The following SRGAP2B variants were observed in gnomAD, a reference collection of about 807,000 sequenced individuals.
SRGAP2B encodes SLIT-ROBO Rho GTPase activating protein 2B, also known as SLIT-ROBO Rho GTPase-activating protein 2B.
Under a neutral mutation model 22.2 loss-of-function variants are expected in SRGAP2B, and 9 were observed. The ratio of observed to expected loss-of-function variants is 0.41; its 90% CI spans 0.24 to 0.71. The LOEUF (loss-of-function observed/expected upper bound fraction) is 0.71, where lower values mean the gene tolerates loss of function less well. Ranked by LOEUF, SRGAP2B falls within the 30% of genes least tolerant of loss-of-function variation. The pLI is 0.35. For synonymous variants in SRGAP2B, 36 were observed against 87.4 expected, an observed-to-expected ratio of 0.41 and a Z score of 3.28; for missense variants, 114 against 235.8, an observed-to-expected ratio of 0.48 and a Z score of 3.38.
In SRGAP2B at chr1:145,044,650, T is replaced by TAAAAAA. The variant is rs1184404731; in HGVS notation, c.67+48179_67+48184dup. The stretch of plus-strand genomic sequence containing the variant: ...TATATTTTATATTTGAACCCCCTCC[T>TAAAAAA]AAAAAAAAAAAAAAAAAAAAAAAAA... On this transcript the variant is annotated intron_variant, in intron 2 of 9. Transcript: ENST00000612199. Among the ~76,000 whole-genome samples, 3 of 30,684 alleles carry TAAAAAA rather than the reference T, an allele frequency of 9.8e-5. 1 individual carries two copies. The highest frequency in any genetic ancestry group is 1.7e-4 in the Non-Finnish European group (3 of 17,710). 20.1% of individuals were successfully genotyped at this position (30,684 alleles called of 152,430 possible).
In SRGAP2B at chr1:144,925,791, GA is replaced by G. The variant is rs1184621300; in HGVS notation, c.424-11038del. On this transcript the variant is annotated intron_variant, in intron 4 of 9. Coordinates refer to ENST00000612199, the Ensembl canonical transcript of SRGAP2B. ...AGAAAGAAAGAAAGAAAGAAAGAAAGAAAGGAGAGAGAAAGAAAGAAAGGAA... is the reference window on the plus strand; with the variant it reads ...AGAAAGAAAGAAAGAAAGAAAGAAAGAAGGAGAGAGAAAGAAAGAAAGGAA... Among the ~76,000 whole-genome samples, 15 of 92,186 alleles carry G rather than the reference GA, an allele frequency of 1.6e-4. 1 individual carries two copies. Among genetic ancestry groups the G allele is most frequent in the South Asian group, 1.2e-3 (4 of 3,208 alleles). 60.5% of individuals were successfully genotyped at this position (92,186 alleles called of 152,430 possible). A position where few individuals can be genotyped will look rare whatever the true frequency, so the allele number is the denominator to read the frequency against.
At chr1:144,968,788 A>C (rs1668271331) in intron 3 of SRGAP2B, among the ~76,000 whole-genome samples, 1 of 109,870 alleles carries the variant, frequency 9.1e-6, no homozygotes, top group Non-Finnish European at 1.8e-5. Flanking sequence ...AAGCAACTTC[A>C]GCAAAGTCTC....
At chr1:145,042,346 GTA>G (rs1649352122) in intron 2 of SRGAP2B, among the ~76,000 whole-genome samples, 1 of 145,344 alleles carries the variant, frequency 6.9e-6, no homozygotes, top group Non-Finnish European at 1.5e-5. Flanking sequence ...TTCTTTTGCT[GTA>G]CAAAATAACC....
chr1:145,009,082 C>G (rs1312565150), intron 2 of SRGAP2B, among the ~76,000 whole-genome samples: 1 of 142,072 alleles, frequency 7.0e-6, no homozygotes, highest in Non-Finnish European at 1.5e-5. Flanking sequence ...GAGGCTGAGG[C>G]AGGAGAATGG....
chr1:145,058,214 C>T (rs1300760450), intron 2 of SRGAP2B, among the ~76,000 whole-genome samples: 1,740 of 148,908 alleles, frequency 0.012, 91 homozygotes, highest in African/African-American at 0.041. Context: ...ACAATAATAT[C>T]CACCTCACTA....
At chr1:144,940,453 C>T (rs1230790224) in intron 4 of SRGAP2B, among the ~76,000 whole-genome samples, 7 of 150,286 alleles carry the variant, frequency 4.7e-5, no homozygotes, top group East Asian at 1.9e-4. Flanking sequence ...AAAAAGACAA[C>T]GAGATTTTTA....
At chr1:145,056,952 A>C (rs1202100024) in intron 2 of SRGAP2B, among the ~76,000 whole-genome samples, 6 of 123,242 alleles carry the variant, frequency 4.9e-5, no homozygotes, top group Non-Finnish European at 1.1e-4. Flanking sequence ...AAGGAGATAA[A>C]ACACACACAC....
chr1:145,085,035 T>C (rs1653285715), intron 2 of SRGAP2B, among the ~76,000 whole-genome samples: 1 of 150,744 alleles, frequency 6.6e-6, no homozygotes, highest in African/African-American at 2.5e-5. Flanking sequence ...CTCTGCCTCT[T>C]GGATTCAAGC....
chr1:145,041,364 G>A (rs1649232664), intron 2 of SRGAP2B, among the ~76,000 whole-genome samples: 1 of 133,862 alleles, frequency 7.5e-6, no homozygotes, highest in African/African-American at 3.0e-5. Context: ...GCTCACACCT[G>A]TAATCGCAGC....
intron 2 of SRGAP2B, among the ~76,000 whole-genome samples, chr1:145,070,056 G>T (rs1302579257): frequency 5.4e-5 from 8 of 149,130 alleles, no homozygotes; most frequent in Admixed American, 5.4e-4. Context: ...TTTTTAAAGC[G>T]CTGATGGAAT....
At chr1:145,024,958 G>C (rs645575) in intron 2 of SRGAP2B, among the ~76,000 whole-genome samples, 27 of 147,484 alleles carry the variant, frequency 1.8e-4, no homozygotes, top group South Asian at 4.2e-4. Context: ...GAAGCACTTA[G>C]TCTGAAATCA....
chr1:144,917,844 G>C (rs1361027246), intron 4 of SRGAP2B: 4 of 83,324 alleles, frequency 4.8e-5, no homozygotes, highest in African/African-American at 2.8e-4. Context: ...ATGATAAAAG[G>C]CCATTCGTTC....
intron 4 of SRGAP2B, among the ~76,000 whole-genome samples, chr1:144,928,911 A>T (rs1328542757): frequency 6.7e-6 from 1 of 150,028 alleles, no homozygotes; most frequent in Admixed American, 6.6e-5. Context: ...ACCATTTTAC[A>T]ATCTCACCAG....
Position 144,976,132 on chromosome 1 carries a change from G to A in SRGAP2B, c.260+18876C>T, listed in dbSNP as rs587699662. On this transcript the variant is annotated intron_variant, in intron 3 of 9. Coordinates refer to ENST00000612199, the Ensembl canonical transcript of SRGAP2B. Reference sequence around the variant, plus strand: ...CCTGACCTCATGATCGGCCCGCCTCGGCCTCCCAAAGTACTGGGATTACAG... The same window carrying A: ...CCTGACCTCATGATCGGCCCGCCTCAGCCTCCCAAAGTACTGGGATTACAG... 8.8e-5 allele frequency among the ~76,000 whole-genome samples: 13 copies of A among 147,180 alleles called. No homozygotes were observed. In the East Asian group the frequency reaches 1.8e-3, roughly 20 times the overall value.
At chr1:145,036,260 T>C (rs1648707254) in intron 2 of SRGAP2B, among the ~76,000 whole-genome samples, 2 of 135,490 alleles carry the variant, frequency 1.5e-5, no homozygotes, top group Admixed American at 7.4e-5. Flanking sequence ...GTCACAACTC[T>C]CTCTCCAAAT....
chr1:145,008,881 AAAC>A (rs1329676218), intron 2 of SRGAP2B, among the ~76,000 whole-genome samples: 1 of 149,566 alleles, frequency 6.7e-6, no homozygotes, highest in African/African-American at 2.5e-5. Context: ...CAAAAAAAAA[AAAC>A]AGTCCAGCTG....
chr1:144,939,954 G>A (rs9439287), intron 4 of SRGAP2B, among the ~76,000 whole-genome samples: 26 of 148,874 alleles, frequency 1.7e-4, no homozygotes, highest in African/African-American at 5.9e-4. Context: ...AGACTGGATC[G>A]CCCAGTTTGT....
chr1:144,984,358 ACAACAAC>A (rs1669550952), intron 3 of SRGAP2B, among the ~76,000 whole-genome samples: 2 of 132,414 alleles, frequency 1.5e-5, no homozygotes, highest in Admixed American at 7.5e-5. Flanking sequence ...AACAACAACA[ACAACAAC>A]AAAAAAAAAA....
intron 2 of SRGAP2B, among the ~76,000 whole-genome samples, chr1:145,068,805 T>G (rs1334134828): frequency 2.7e-5 from 4 of 147,388 alleles, no homozygotes; most frequent in Admixed American, 2.0e-4. Context: ...CTTTTTTCTT[T>G]ACTTATGAGG....
Sources: gnomAD v4.1 joint callset for allele counts (sites outside exome capture counted in the v4.1 genomes callset) on GRCh38, gnomAD v4.1.1 for gene constraint, MANE v1.5 for transcripts, NCBI Gene and HGNC (gene_info 2026-07-23, HGNC 2026-07-21) for gene names.